Variants in GPC5 observed in about 807,000 individuals in gnomAD.
GPC5 encodes glypican 5, also known as glypican-5.
GPC5 carries 47 observed loss-of-function variants against 53.9 expected under a neutral mutation model. The ratio of observed to expected loss-of-function variants is 0.87; its 90% CI spans 0.69 to 1.11. GPC5 has a LOEUF of 1.11. GPC5 is among the 50% of genes most tolerant of loss of function. The pLI is 0.00. For missense variants in GPC5, 748 were observed against 713.1 expected (o/e 1.05, Z -0.56); for synonymous variants, 286 against 263.3 (o/e 1.09, Z -0.84).
At chr13:91,505,972 G>T (rs1884917584) in intron 2 of GPC5, among the ~76,000 whole-genome samples, 1 of 151,938 alleles carries the variant, frequency 6.6e-6, no homozygotes, top group African/African-American at 2.4e-5. Flanking sequence ...TGTAGAATAG[G>T]ATTTATTATG....
At chr13:92,224,483 C>A (rs1474385782) in intron 7 of GPC5, among the ~76,000 whole-genome samples, 1 of 152,232 alleles carries the variant, frequency 6.6e-6, no homozygotes, top group South Asian at 2.1e-4. Context: ...CAGAAACAGG[C>A]CTGCCTGCAA....
At chr13:92,538,192 A>G (rs548388587) in intron 7 of GPC5, among the ~76,000 whole-genome samples, 1 of 152,122 alleles carries the variant, frequency 6.6e-6, no homozygotes, top group African/African-American at 2.4e-5. Context: ...TTGCGTATGT[A>G]AAAATGGATT....
chr13:92,827,519 G>A (rs575037707), intron 7 of GPC5, among the ~76,000 whole-genome samples: 4 of 152,214 alleles, frequency 2.6e-5, no homozygotes, highest in East Asian at 3.9e-4. Flanking sequence ...TCTTCTTCAC[G>A]TTTTCCAGTT....
At chr13:92,118,625 A>G (rs1594770299) in intron 6 of GPC5, among the ~76,000 whole-genome samples, 1 of 152,008 alleles carries the variant, frequency 6.6e-6, no homozygotes, top group Non-Finnish European at 1.5e-5. Context: ...AAAAGTAGAA[A>G]TTTTGCACAC....
At chr13:92,573,156 C>T (rs1196313002) in intron 7 of GPC5, among the ~76,000 whole-genome samples, 2 of 152,158 alleles carry the variant, frequency 1.3e-5, no homozygotes, top group South Asian at 2.1e-4. Flanking sequence ...CTCCCTCAAA[C>T]TTTCACTAGC....
intron 4 of GPC5, among the ~76,000 whole-genome samples, chr13:91,748,997 C>T (rs554284458): frequency 1.8e-4 from 27 of 151,860 alleles, no homozygotes; most frequent in Non-Finnish European, 3.1e-4. Context: ...AAGAGTCGAG[C>T]GCTCTTACGC....
intron 6 of GPC5, chr13:92,059,919 A>C (rs2041108193): frequency 6.6e-6 from 1 of 151,972 alleles, no homozygotes; most frequent in Non-Finnish European, 1.5e-5. Flanking sequence ...CCTACGTAAC[A>C]TGCCCACATC....
chr13:92,538,955 CAT>C (rs1239812097), intron 7 of GPC5, among the ~76,000 whole-genome samples: 13 of 56,712 alleles, frequency 2.3e-4, no homozygotes, highest in African/African-American at 7.4e-4. Context: ...ATATATACAC[CAT>C]ATATATATAC....
At chr13:91,692,268 G>A (rs1224651863) in intron 2 of GPC5, among the ~76,000 whole-genome samples, 2 of 152,112 alleles carry the variant, frequency 1.3e-5, no homozygotes, top group African/African-American at 4.8e-5. Flanking sequence ...TCAAATAGTA[G>A]CACTCATGGG....
intron 2 of GPC5, among the ~76,000 whole-genome samples, chr13:91,482,391 G>C (rs1883353919): frequency 6.6e-6 from 1 of 152,128 alleles, no homozygotes; most frequent in Non-Finnish European, 1.5e-5. Context: ...GTACTGTGAG[G>C]AATACATTTC....
intron 6 of GPC5, among the ~76,000 whole-genome samples, chr13:91,911,248 T>C (rs1235866450): frequency 2.6e-5 from 4 of 152,096 alleles, no homozygotes; most frequent in African/African-American, 9.7e-5. Context: ...ATTTAAAAAC[T>C]GTAAGCAGAA....
intron 1 of GPC5, among the ~76,000 whole-genome samples, chr13:91,415,209 G>A (rs1181278205): frequency 6.6e-6 from 1 of 152,048 alleles, no homozygotes; most frequent in Admixed American, 6.6e-5. Context: ...TTTGAGGGAC[G>A]GTCTCCCCCA....
intron 7 of GPC5, among the ~76,000 whole-genome samples, chr13:92,782,856 G>A (rs1876083434): frequency 6.6e-6 from 1 of 151,958 alleles, no homozygotes; most frequent in East Asian, 1.9e-4. Flanking sequence ...ATGATTCATA[G>A]CATGCTGTTT....
At chr13:92,187,165 C>G (rs1037758480) in intron 7 of GPC5, among the ~76,000 whole-genome samples, 1 of 151,976 alleles carries the variant, frequency 6.6e-6, no homozygotes, top group African/African-American at 2.4e-5. Flanking sequence ...TATGAAAACC[C>G]TCAATGTAAC....
At chr13:92,592,432 A>G (rs1883743269) in intron 7 of GPC5, among the ~76,000 whole-genome samples, 1 of 151,202 alleles carries the variant, frequency 6.6e-6, no homozygotes, top group African/African-American at 2.4e-5. Context: ...TTCTTCTCTC[A>G]CCCTTCTTAT....
intron 2 of GPC5, among the ~76,000 whole-genome samples, chr13:91,662,518 G>A (rs2035009892): frequency 1.3e-5 from 2 of 151,958 alleles, no homozygotes; most frequent in African/African-American, 4.8e-5. Flanking sequence ...GCAGAAAATT[G>A]GGGCAGTAAA....
chr13:92,857,956 C>G (rs955743405), intron 7 of GPC5, among the ~76,000 whole-genome samples: 1 of 152,258 alleles, frequency 6.6e-6, no homozygotes, highest in South Asian at 2.1e-4. Context: ...ACCCAGCAAT[C>G]CGATTACTGG....
chr13:91,571,872 TATAC>T (rs1432946741), intron 2 of GPC5, among the ~76,000 whole-genome samples: 1,769 of 102,660 alleles, frequency 0.017, 169 homozygotes, highest in Non-Finnish European at 0.029. Flanking sequence ...TGTGTGTATA[TATAC>T]ACACATATAC....
intron 7 of GPC5, among the ~76,000 whole-genome samples, chr13:92,421,675 T>G (rs772315875): frequency 2.2e-3 from 260 of 117,924 alleles, no homozygotes; most frequent in Non-Finnish European, 3.3e-3. Context: ...CTCCAGCCTG[T>G]GCCACAGAGC....
Sources: allele counts gnomAD v4.1 joint callset (sites outside exome capture counted in the v4.1 genomes callset), GRCh38; gene constraint gnomAD v4.1.1; transcripts MANE v1.5; gene names NCBI Gene and HGNC (gene_info 2026-07-23, HGNC 2026-07-21).